LRP1B: variants seen among roughly 807,000 people sequenced by gnomAD.
LRP1B encodes LDL receptor related protein 1B, also known as low-density lipoprotein receptor-related protein 1B.
In LRP1B, 217 loss-of-function variants were observed where a neutral mutation model predicts 556.6. The ratio of observed to expected loss-of-function variants is 0.39; its 90% confidence interval spans 0.35 to 0.44. The LOEUF (loss-of-function observed/expected upper bound fraction) is 0.44. LRP1B is among the 20% of genes least tolerant of loss of function. The pLI is 1.00. For missense variants in LRP1B, 5,053 were observed against 5,620.8 expected (o/e 0.90, Z 3.23); for synonymous variants, 2,047 against 1,865.8 (o/e 1.10, Z -2.50).
chr2:140,761,728 C>T (rs1477638730), intron 35 of LRP1B, among the ~76,000 whole-genome samples: 1 of 152,168 alleles, frequency 6.6e-6, no homozygotes, highest in Non-Finnish European at 1.5e-5. Flanking sequence ...TCCTCCCTAA[C>T]TGAGCCTTCT....
chr2:140,317,853 A>G (rs376914578), intron 82 of LRP1B, among the ~76,000 whole-genome samples: 8 of 152,198 alleles, frequency 5.3e-5, no homozygotes, highest in African/African-American at 1.7e-4. Flanking sequence ...GGCACCAGAA[A>G]TTTTAAAGTA....
chr2:141,078,377 A>G (rs1382864177), intron 7 of LRP1B, among the ~76,000 whole-genome samples: 2 of 152,148 alleles, frequency 1.3e-5, no homozygotes. Flanking sequence ...CTTCGTTGAC[A>G]TGGCAGAACC....
At chr2:141,627,883 G>C (rs761633258) in intron 2 of LRP1B, among the ~76,000 whole-genome samples, 47 of 152,156 alleles carry the variant, frequency 3.1e-4, no homozygotes, top group African/African-American at 3.9e-4. Context: ...GAGTCGGGGA[G>C]GTCAGAAAGT....
chr2:140,442,064 T>C (rs1686452322), intron 66 of LRP1B, among the ~76,000 whole-genome samples: 2 of 152,214 alleles, frequency 1.3e-5, no homozygotes, highest in African/African-American at 4.8e-5. Flanking sequence ...TGCTTTTTAT[T>C]ATCTTTTTTC....
chr2:140,615,162 T>C (rs1239690773), intron 41 of LRP1B, among the ~76,000 whole-genome samples: 4 of 152,106 alleles, frequency 2.6e-5, no homozygotes. Context: ...ATTTGAGGTA[T>C]TTTTCAAACC....
chr2:140,264,585 TA>T (rs1211489743), intron 86 of LRP1B, among the ~76,000 whole-genome samples: 1 of 152,042 alleles, frequency 6.6e-6, no homozygotes, highest in Admixed American at 6.6e-5. Context: ...TTAAAGGCCC[TA>T]TCTCCAAATA....
At chr2:141,567,837 C>T (rs115030171) in intron 2 of LRP1B, among the ~76,000 whole-genome samples, 1,877 of 114,250 alleles carry the variant, frequency 0.016, 77 homozygotes, top group African/African-American at 0.044. Context: ...TTTCCTAATA[C>T]AGGCTTAGCC....
chr2:140,456,912 T>C (rs1687128778), intron 61 of LRP1B, among the ~76,000 whole-genome samples: 1 of 152,176 alleles, frequency 6.6e-6, no homozygotes, highest in Admixed American at 6.5e-5. Flanking sequence ...GACAAACATA[T>C]GTTCAGAAAT....
intron 15 of LRP1B, among the ~76,000 whole-genome samples, chr2:141,004,339 C>T (rs1469343221): frequency 6.6e-6 from 1 of 151,998 alleles, no homozygotes; most frequent in African/African-American, 2.4e-5. Flanking sequence ...TGAACTTGCT[C>T]CAATCAGTTG....
intron 7 of LRP1B, among the ~76,000 whole-genome samples, chr2:141,141,773 T>G (rs907263018): frequency 6.6e-6 from 1 of 152,186 alleles, no homozygotes; most frequent in Non-Finnish European, 1.5e-5. Flanking sequence ...CACATTTTTG[T>G]CAATGAAGAC....
chr2:141,822,098 C>T (rs956870974), intron 1 of LRP1B, among the ~76,000 whole-genome samples: 1 of 84,646 alleles, frequency 1.2e-5, no homozygotes, highest in Non-Finnish European at 2.4e-5. Flanking sequence ...TACATACACA[C>T]ACACACACAC....
At chr2:141,212,578 CG>C (rs1682612926) in intron 6 of LRP1B, among the ~76,000 whole-genome samples, 1 of 151,332 alleles carries the variant, frequency 6.6e-6, no homozygotes, top group Non-Finnish European at 1.5e-5. Context: ...GCGACCATGC[CG>C]GCCAAAAAGT....
chr2:140,860,996 A>G (rs977665186), intron 27 of LRP1B, among the ~76,000 whole-genome samples: 2 of 146,558 alleles, frequency 1.4e-5, no homozygotes, highest in Admixed American at 6.7e-5. Flanking sequence ...CTATCTATCT[A>G]TCTATCTATC....
chr2:141,446,194 G>A (rs369181299), intron 3 of LRP1B, among the ~76,000 whole-genome samples: 2 of 152,030 alleles, frequency 1.3e-5, no homozygotes, highest in South Asian at 4.2e-4. Flanking sequence ...ATCTTTGTTG[G>A]TTTAAAGTCT....
chr2:141,782,707 A>G lies in LRP1B; in HGVS notation c.205+27572T>C, dbSNP rs1031100381. Among the ~76,000 whole-genome samples, 6 of 151,930 alleles carry G rather than the reference A, an allele frequency of 3.9e-5. No homozygotes were observed. In the East Asian group the frequency reaches 7.8e-4, roughly 20 times the overall value. The stretch of plus-strand genomic sequence containing the variant: ...TAAAATTACTAAAAACAAACATAAC[A>G]TATGTTCATGATCATTGAGCATATG... On this transcript the variant is annotated intron_variant, in intron 2 of 90. Transcript: ENST00000389484.
intron 7 of LRP1B, among the ~76,000 whole-genome samples, chr2:141,112,351 C>T (rs1700777214): frequency 6.6e-6 from 1 of 152,080 alleles, no homozygotes; most frequent in South Asian, 2.1e-4. Context: ...GTTTCCTTTT[C>T]ACAGTCTTTT....
At chr2:140,690,815 A>C (rs1686209544) in intron 41 of LRP1B, among the ~76,000 whole-genome samples, 1 of 152,086 alleles carries the variant, frequency 6.6e-6, no homozygotes. Context: ...CCCTTTTCCT[A>C]TCTTAGCAAC....
chr2:142,003,151 C>T (rs1388362812), intron 1 of LRP1B, among the ~76,000 whole-genome samples: 1 of 152,172 alleles, frequency 6.6e-6, no homozygotes, highest in East Asian at 1.9e-4. Flanking sequence ...GGTTCTAGGC[C>T]TTGGCCATGG....
chr2:141,742,519 G>A (rs1574309191), intron 2 of LRP1B, among the ~76,000 whole-genome samples: 1 of 152,146 alleles, frequency 6.6e-6, no homozygotes, highest in African/African-American at 2.4e-5. Context: ...CTCCCAAAGT[G>A]CTGGGATTAG....
Sources: gnomAD v4.1 joint callset for allele counts (sites outside exome capture counted in the v4.1 genomes callset) on GRCh38, gnomAD v4.1.1 for gene constraint, MANE v1.5 for transcripts, NCBI Gene and HGNC (gene_info 2026-07-23, HGNC 2026-07-21) for gene names.